The following PIP5K1B variants were observed in gnomAD, a reference collection of about 807,000 sequenced individuals.
The protein encoded by PIP5K1B is phosphatidylinositol 4-phosphate 5-kinase type-1 beta.
Under a neutral mutation model 67.0 loss-of-function variants are expected in PIP5K1B, and 42 were observed. The ratio of observed to expected loss-of-function variants is 0.63; its 90% CI spans 0.49 to 0.81. PIP5K1B has a LOEUF of 0.81. Among genes scored for constraint, PIP5K1B ranks in the 30% least tolerant of loss-of-function variants. The pLI, the probability that PIP5K1B is intolerant of heterozygous loss-of-function variation, is 0.00. For synonymous variants in PIP5K1B, 214 were observed against 231.4 expected, an observed-to-expected ratio of 0.92 and a Z score of 0.68; for missense variants, 459 against 646.3, an observed-to-expected ratio of 0.71 and a Z score of 3.14.
chr9:68,714,611 C>T (rs1483069773), intron 1 of PIP5K1B, among the ~76,000 whole-genome samples: 1 of 152,136 alleles, frequency 6.6e-6, no homozygotes, highest in Admixed American at 6.5e-5. Flanking sequence ...CCTGCCAAAC[C>T]CTCACGGAAG....
At chr9:68,993,850 G>A (rs1171875546) in intron 15 of PIP5K1B, among the ~76,000 whole-genome samples, 2 of 152,084 alleles carry the variant, frequency 1.3e-5, no homozygotes, top group Non-Finnish European at 2.9e-5. Flanking sequence ...TCAGCTCCAT[G>A]TGTGGTCCTG....
chr9:68,750,976 C>T (rs1005050297), intron 2 of PIP5K1B, among the ~76,000 whole-genome samples: 1 of 152,242 alleles, frequency 6.6e-6, no homozygotes, highest in African/African-American at 2.4e-5. Flanking sequence ...TCCTTCCCCA[C>T]AGACTGCCTG....
intron 4 of PIP5K1B, among the ~76,000 whole-genome samples, chr9:68,828,871 A>C (rs1465255629): frequency 6.6e-6 from 1 of 152,092 alleles, no homozygotes; most frequent in Admixed American, 6.5e-5. Context: ...GGAGGCCGAG[A>C]TGGGTGGATC....
intron 14 of PIP5K1B, among the ~76,000 whole-genome samples, chr9:68,988,763 T>C (rs1830219444): frequency 6.6e-6 from 1 of 151,828 alleles, no homozygotes; most frequent in African/African-American, 2.4e-5. Flanking sequence ...TTTATGACTT[T>C]TGTAATCAGG....
At chr9:68,856,511 G>A (rs1395016349) in intron 4 of PIP5K1B, among the ~76,000 whole-genome samples, 1 of 152,024 alleles carries the variant, frequency 6.6e-6, no homozygotes, top group Admixed American at 6.5e-5. Flanking sequence ...TTCTTGAGTG[G>A]GTCTCCGCCC....
intron 5 of PIP5K1B, 50 bp from the exon 6 acceptor site, chr9:68,876,627 C>T: frequency 2.0e-6 from 2 of 1,020,982 alleles, no homozygotes; most frequent in Non-Finnish European, 3.1e-6. Flanking sequence ...CAAAATTGTC[C>T]TTGCTAATGT....
chr9:68,836,825 A>G (rs1388830426), intron 4 of PIP5K1B, among the ~76,000 whole-genome samples: 1 of 152,230 alleles, frequency 6.6e-6, no homozygotes, highest in African/African-American at 2.4e-5. Flanking sequence ...GAGCAGATGC[A>G]GCATGTCTCA....
chr9:68,810,128 G>A (rs17482797), intron 2 of PIP5K1B, among the ~76,000 whole-genome samples: 44,441 of 152,138 alleles, frequency 0.29, 6,727 homozygotes, highest in Middle Eastern at 0.35. Flanking sequence ...CGGGAAATGC[G>A]CTAGGAAATG....
chr9:68,808,301 G>A (rs1249041444), intron 2 of PIP5K1B, among the ~76,000 whole-genome samples: 1 of 152,186 alleles, frequency 6.6e-6, no homozygotes, highest in Non-Finnish European at 1.5e-5. Context: ...ATGTGACTGG[G>A]AAGAGATAGA....
In PIP5K1B at chr9:68,960,482, C is replaced by A. The variant is rs187318570; in HGVS notation, c.1502+19692C>A. ...GTCTAGGAAATTTTCTTGATGATTT[C>A]ATTGCCTCTGTTTTTTCTTTTCTCT... is the stretch of plus-strand genomic sequence containing the variant. On this transcript the variant is annotated intron_variant, in intron 14 of 15. Transcript: ENST00000265382. Among the ~76,000 whole-genome samples the A allele has an allele frequency of 2.2e-3, 331 of 151,954 alleles. 1 individual carries two copies. The highest frequency in any genetic ancestry group is 7.6e-3 in the African/African-American group (317 of 41,446).
At chr9:68,958,988 T>C (rs10869599) in intron 14 of PIP5K1B, among the ~76,000 whole-genome samples, 36,450 of 152,082 alleles carry the variant, frequency 0.24, 5,364 homozygotes, top group East Asian at 0.52. Context: ...GTACTCCCAA[T>C]ATTGACGTGT....
At chr9:68,709,272 C>T (rs1342795065) in intron 1 of PIP5K1B, among the ~76,000 whole-genome samples, 1 of 151,974 alleles carries the variant, frequency 6.6e-6, no homozygotes, top group African/African-American at 2.4e-5. Context: ...GTCAAGGTCT[C>T]ATTCTGTTTC....
chr9:68,827,225 C>T (rs1313166290), intron 4 of PIP5K1B, among the ~76,000 whole-genome samples: 1 of 152,100 alleles, frequency 6.6e-6, no homozygotes, highest in African/African-American at 2.4e-5. Context: ...AAGTAGTAGG[C>T]AGTTTTGGAA....
intron 15 of PIP5K1B, among the ~76,000 whole-genome samples, chr9:69,000,340 T>C (rs1444725052): frequency 1.3e-5 from 2 of 152,126 alleles, no homozygotes; most frequent in Non-Finnish European, 2.9e-5. Flanking sequence ...AGAACAGAAT[T>C]AAATATAATA....
intron 2 of PIP5K1B, chr9:68,780,483 G>A (rs754866057): frequency 1.9e-6 from 3 of 1,614,100 alleles, no homozygotes; most frequent in Non-Finnish European, 2.5e-6. Flanking sequence ...CGAACGGGAG[G>A]TGCAGACCGC....
intron 1 of PIP5K1B, among the ~76,000 whole-genome samples, chr9:68,736,529 G>A (rs572463633): frequency 5.4e-4 from 83 of 152,296 alleles, no homozygotes; most frequent in African/African-American, 2.0e-3. Context: ...TTATCTCACA[G>A]TTCTGGAGGT....
At chr9:68,865,313 T>A (rs930582219) in intron 5 of PIP5K1B, among the ~76,000 whole-genome samples, 12 of 151,678 alleles carry the variant, frequency 7.9e-5, no homozygotes, top group African/African-American at 1.2e-4. Flanking sequence ...AAAAAAAAAA[T>A]GTATATTAAC....
chr9:68,755,135 T>G (rs11143622), intron 2 of PIP5K1B, among the ~76,000 whole-genome samples: 2,278 of 152,374 alleles, frequency 0.015, 54 homozygotes, highest in East Asian at 0.11. Context: ...AAGCCTTTAT[T>G]TTTCATGCAG....
Position 68,765,937 on chromosome 9 carries a change from G to T in PIP5K1B, c.-86+23280G>T, listed in dbSNP as rs1189570876. Among the ~76,000 whole-genome samples, 4 of 152,218 alleles carry T rather than the reference G, an allele frequency of 2.6e-5. No individual in the cohort carries two copies. In the East Asian group the frequency reaches 5.8e-4, roughly 22 times the overall value. On this transcript the variant is annotated intron_variant, in intron 2 of 15. Transcript: ENST00000265382. The stretch of plus-strand genomic sequence containing the variant: ...TTCCACTGCTGGAAATTTAACCTTA[G>T]GAAGTAATTGGACAAGGGGCCAAAA...
Sources: allele counts gnomAD v4.1 joint callset (sites outside exome capture counted in the v4.1 genomes callset), GRCh38; gene constraint gnomAD v4.1.1; transcripts MANE v1.5; gene names NCBI Gene and HGNC (gene_info 2026-07-23, HGNC 2026-07-21).